The following ERBB4 variants were observed in gnomAD, a reference collection of about 807,000 sequenced individuals.
ERBB4 encodes erb-b2 receptor tyrosine kinase 4.
In ERBB4, 42 loss-of-function variants were observed where a neutral mutation model predicts 158.0. The observed-to-expected ratio is 0.27, with a 90% CI of 0.21 to 0.34. ERBB4 has a LOEUF of 0.34. Ranked by LOEUF, ERBB4 falls within the 10% of genes least tolerant of loss-of-function variation. The pLI is 1.00. For synonymous variants in ERBB4, 583 were observed against 558.7 expected (o/e 1.04, Z -0.61); for missense variants, 1,333 against 1,624.1 (o/e 0.82, Z 3.08).
chr2:211,880,888 G>T (rs970179090), intron 3 of ERBB4, among the ~76,000 whole-genome samples: 1 of 152,182 alleles, frequency 6.6e-6, no homozygotes, highest in African/African-American at 2.4e-5. Context: ...CATCTTGTTT[G>T]TGCCCTAATT....
At chr2:211,650,756 G>C (rs964854664) in intron 16 of ERBB4, among the ~76,000 whole-genome samples, 2 of 152,060 alleles carry the variant, frequency 1.3e-5, no homozygotes, top group East Asian at 3.8e-4. Flanking sequence ...TTAAGAAGAT[G>C]AAATTAATTG....
intron 1 of ERBB4, among the ~76,000 whole-genome samples, chr2:212,129,809 T>A (rs1409611734): frequency 6.6e-6 from 1 of 151,658 alleles, no homozygotes; most frequent in Non-Finnish European, 1.5e-5. Flanking sequence ...GTCTTTGCAG[T>A]TTTTTTTACT....
At chr2:211,745,440 A>G (rs1054995711) in intron 5 of ERBB4, among the ~76,000 whole-genome samples, 1 of 152,160 alleles carries the variant, frequency 6.6e-6, no homozygotes, top group Admixed American at 6.5e-5. Context: ...ATGAATGTCA[A>G]GGACAGGCAG....
intron 2 of ERBB4, among the ~76,000 whole-genome samples, chr2:212,049,847 T>A (rs765128078): frequency 6.6e-6 from 1 of 152,212 alleles, no homozygotes; most frequent in Non-Finnish European, 1.5e-5. Context: ...GATTCCACCA[T>A]AATTTGCAAA....
intron 2 of ERBB4, among the ~76,000 whole-genome samples, chr2:212,042,909 C>G (rs1468220225): frequency 6.6e-6 from 1 of 152,104 alleles, no homozygotes; most frequent in Non-Finnish European, 1.5e-5. Context: ...ACATTATGAG[C>G]TATGGAAGAA....
chr2:212,456,861 A>T (rs1157008505), intron 1 of ERBB4, among the ~76,000 whole-genome samples: 2 of 152,014 alleles, frequency 1.3e-5, no homozygotes, highest in African/African-American at 4.8e-5. Context: ...TAATTTTCCC[A>T]TTAAGTAGAC....
intron 19 of ERBB4, among the ~76,000 whole-genome samples, chr2:211,586,985 A>AACTT (rs2068300593): frequency 6.6e-6 from 1 of 152,182 alleles, no homozygotes. Context: ...GATGCTCCTC[A>AACTT]ACTTATGATT....
At chr2:212,190,196 A>G (rs1252236757) in intron 1 of ERBB4, among the ~76,000 whole-genome samples, 1 of 152,212 alleles carries the variant, frequency 6.6e-6, no homozygotes, top group East Asian at 1.9e-4. Flanking sequence ...TTATCACTAG[A>G]GAGTTCTTTA....
chr2:211,585,666 T>C (rs1281906804), intron 19 of ERBB4, among the ~76,000 whole-genome samples: 1 of 152,120 alleles, frequency 6.6e-6, no homozygotes, highest in African/African-American at 2.4e-5. Context: ...TGACTTAGAA[T>C]GGATAAGTTG....
chr2:211,939,743 C>T (rs986868103), intron 3 of ERBB4, among the ~76,000 whole-genome samples: 3 of 152,080 alleles, frequency 2.0e-5, no homozygotes, highest in Non-Finnish European at 2.9e-5. Flanking sequence ...GTCAGGAGAT[C>T]GAGACCATCC....
intron 2 of ERBB4, among the ~76,000 whole-genome samples, chr2:212,052,467 C>T (rs753162517): frequency 6.6e-6 from 1 of 152,176 alleles, no homozygotes; most frequent in African/African-American, 2.4e-5. Context: ...ACACATCTAT[C>T]CTACTAGTTC....
intron 1 of ERBB4, among the ~76,000 whole-genome samples, chr2:212,197,017 T>C (rs2082447091): frequency 6.6e-6 from 1 of 152,104 alleles, no homozygotes; most frequent in Non-Finnish European, 1.5e-5. Flanking sequence ...TTTTTTTCTT[T>C]CGTTTTAAAT....
chr2:211,758,535 A>AAAAT (rs2075336343), intron 4 of ERBB4, among the ~76,000 whole-genome samples: 1 of 152,192 alleles, frequency 6.6e-6, no homozygotes, highest in East Asian at 1.9e-4. Context: ...AATTCCACCT[A>AAAAT]CTGTGGAACA....
intron 2 of ERBB4, among the ~76,000 whole-genome samples, chr2:212,007,849 T>G (rs1042032350): frequency 4.6e-5 from 7 of 151,982 alleles, no homozygotes; most frequent in African/African-American, 1.7e-4. Flanking sequence ...TTAAAAAAAT[T>G]TAAACATAAT....
At chr2:212,518,763 AC>A (rs1691980666) in intron 1 of ERBB4, among the ~76,000 whole-genome samples, 1 of 152,088 alleles carries the variant, frequency 6.6e-6, no homozygotes, top group African/African-American at 2.4e-5. Flanking sequence ...AGGAATAAGT[AC>A]TGTGTTGAGA....
intron 3 of ERBB4, among the ~76,000 whole-genome samples, chr2:211,940,900 T>A (rs145860543): frequency 1.4e-4 from 21 of 152,260 alleles, no homozygotes; most frequent in African/African-American, 5.1e-4. Flanking sequence ...ACGAATCAGT[T>A]GTCTGAGAAT....
chr2:211,883,851 T>A (rs2078726967), intron 3 of ERBB4, among the ~76,000 whole-genome samples: 2 of 152,164 alleles, frequency 1.3e-5, no homozygotes, highest in South Asian at 4.1e-4. Context: ...TTTTGAGAAA[T>A]AATTTCTTTG....
chr2:211,818,932 T>C (rs942316472), intron 3 of ERBB4, among the ~76,000 whole-genome samples: 11 of 152,066 alleles, frequency 7.2e-5, no homozygotes, highest in Non-Finnish European at 1.0e-4. Flanking sequence ...TGCTCTAAAA[T>C]AAACAAGTGA....
chr2:211,487,449 G>A (rs923614162), intron 20 of ERBB4, among the ~76,000 whole-genome samples: 2 of 151,900 alleles, frequency 1.3e-5, no homozygotes, highest in African/African-American at 4.8e-5. Context: ...GGTCAACTTT[G>A]TTTTTTAACT....
Sources: gnomAD v4.1 joint callset for allele counts (sites outside exome capture counted in the v4.1 genomes callset) on GRCh38, gnomAD v4.1.1 for gene constraint, MANE v1.5 for transcripts, NCBI Gene and HGNC (gene_info 2026-07-23, HGNC 2026-07-21) for gene names.